MAF: variants seen among roughly 807,000 people sequenced by gnomAD.
MAF encodes transcription factor Maf.
In MAF, 10 loss-of-function variants were observed where a neutral mutation model predicts 22.0. The ratio of observed to expected loss-of-function variants is 0.45; its 90% confidence interval spans 0.28 to 0.77. The LOEUF (loss-of-function observed/expected upper bound fraction) is 0.77. MAF is among the 30% of genes least tolerant of loss of function. The probability of loss-of-function intolerance (pLI) is 0.12; values close to 1 mark genes in which losing one functional copy is unlikely to be tolerated. For synonymous variants in MAF, 337 were observed against 255.8 expected (o/e 1.32, Z -3.03); for missense variants, 544 against 548.4 (o/e 0.99, Z 0.08).
the MAF span, among the ~76,000 whole-genome samples, chr16:79,234,735 C>G: frequency 1.8e-4 from 27 of 152,182 alleles, no homozygotes; most frequent in East Asian, 4.8e-3. Flanking sequence ...TGATACCACC[C>G]CCAGCTGTGG....
the MAF span, among the ~76,000 whole-genome samples, chr16:79,514,751 G>C: frequency 6.6e-6 from 1 of 152,092 alleles, no homozygotes; most frequent in South Asian, 2.1e-4. Flanking sequence ...TATCAATCAG[G>C]GACTCCATTG....
the MAF span, among the ~76,000 whole-genome samples, chr16:79,330,450 G>C: frequency 6.6e-6 from 1 of 152,310 alleles, no homozygotes; most frequent in East Asian, 1.9e-4. Context: ...TTTGAGCAGA[G>C]TTGGAGGAAT....
chr16:79,318,886 C>T, the MAF span, among the ~76,000 whole-genome samples: 1 of 152,170 alleles, frequency 6.6e-6, no homozygotes, highest in African/African-American at 2.4e-5. Flanking sequence ...GCTGTGGATT[C>T]CTCCTTACAG....
the MAF span, among the ~76,000 whole-genome samples, chr16:79,313,445 G>T: frequency 6.6e-6 from 1 of 152,046 alleles, no homozygotes; most frequent in Non-Finnish European, 1.5e-5. Context: ...AGTTCCCCAG[G>T]CATCACCTCC....
the MAF span, among the ~76,000 whole-genome samples, chr16:79,419,077 C>G: frequency 7.2e-5 from 11 of 152,176 alleles, no homozygotes; most frequent in African/African-American, 1.2e-4. Flanking sequence ...AGGAAATACA[C>G]CAGTCTAAAT....
downstream of MAF, among the ~76,000 whole-genome samples, chr16:79,584,142 T>G (rs568852820): frequency 6.6e-6 from 1 of 152,104 alleles, no homozygotes; most frequent in Non-Finnish European, 1.5e-5. Flanking sequence ...ACTCCCCAAA[T>G]AGCTTATGAT....
the MAF span, among the ~76,000 whole-genome samples, chr16:79,499,839 C>G: frequency 6.6e-6 from 1 of 152,216 alleles, no homozygotes; most frequent in Non-Finnish European, 1.5e-5. Flanking sequence ...TGTCCATGTC[C>G]TAATCCCTAC....
the MAF span, among the ~76,000 whole-genome samples, chr16:79,293,939 C>T: frequency 6.6e-6 from 1 of 152,216 alleles, no homozygotes; most frequent in South Asian, 2.1e-4. Context: ...CCCATGTACT[C>T]CACGGTTGGT....
At chr16:79,404,046 T>G in the MAF span, among the ~76,000 whole-genome samples, 1 of 152,184 alleles carries the variant, frequency 6.6e-6, no homozygotes, top group African/African-American at 2.4e-5. Context: ...ATTTAGAATT[T>G]GAAGAAACCC....
the MAF span, among the ~76,000 whole-genome samples, chr16:79,350,166 T>C: frequency 2.0e-5 from 3 of 152,174 alleles, no homozygotes; most frequent in East Asian, 3.9e-4. Flanking sequence ...GCCCTCTCTG[T>C]CTCTCCAAAT....
At chr16:79,577,502 G>C in the MAF span, among the ~76,000 whole-genome samples, 1 of 152,116 alleles carries the variant, frequency 6.6e-6, no homozygotes, top group Admixed American at 6.6e-5. Context: ...GTCAAAGATG[G>C]CATAGATCTG....
At chr16:79,387,345 C>G in the MAF span, among the ~76,000 whole-genome samples, 31,167 of 152,126 alleles carry the variant, frequency 0.2, 4,112 homozygotes, top group Admixed American at 0.36. Flanking sequence ...CCTAGGGAGA[C>G]TGTGTTTTTC....
chr16:79,593,132 G>A (rs1456964559), downstream of MAF, among the ~76,000 whole-genome samples: 2 of 152,150 alleles, frequency 1.3e-5, no homozygotes, highest in Non-Finnish European at 2.9e-5. Flanking sequence ...GACTTATGTG[G>A]CAATCAGACT....
the MAF span, among the ~76,000 whole-genome samples, chr16:79,488,218 C>T: frequency 6.6e-6 from 1 of 152,148 alleles, no homozygotes; most frequent in Non-Finnish European, 1.5e-5. Context: ...CCAGGGTACC[C>T]CTTGTGAACC....
the MAF span, among the ~76,000 whole-genome samples, chr16:79,478,722 T>A: frequency 3.9e-5 from 6 of 152,236 alleles, no homozygotes; most frequent in Non-Finnish European, 5.9e-5. Context: ...AGTGCACCAG[T>A]GCATCATCCC....
At chr16:79,321,394 C>G in the MAF span, among the ~76,000 whole-genome samples, 1 of 152,148 alleles carries the variant, frequency 6.6e-6, no homozygotes, top group Non-Finnish European at 1.5e-5. Context: ...TAGTATGTCC[C>G]AAATATCACA....
the MAF span, among the ~76,000 whole-genome samples, chr16:79,531,300 T>A: frequency 6.6e-6 from 1 of 152,102 alleles, no homozygotes; most frequent in Admixed American, 6.5e-5. Flanking sequence ...TCTCTAAAAA[T>A]CTGGGAATCT....
chr16:79,220,553 GTTAC>G, the MAF span, among the ~76,000 whole-genome samples: 4 of 152,084 alleles, frequency 2.6e-5, no homozygotes, highest in Non-Finnish European at 5.9e-5. Flanking sequence ...ATATATGGTA[GTTAC>G]TTAATCATTT....
chr16:79,477,946 A>G, the MAF span, among the ~76,000 whole-genome samples: 242 of 149,618 alleles, frequency 1.6e-3, 5 homozygotes, highest in East Asian at 0.039. Context: ...CTGGTCTCGA[A>G]CTCCTGACCT....
Sources: allele counts gnomAD v4.1 joint callset (sites outside exome capture counted in the v4.1 genomes callset), GRCh38; gene constraint gnomAD v4.1.1; transcripts MANE v1.5; gene names NCBI Gene and HGNC (gene_info 2026-07-23, HGNC 2026-07-21).